The following TSEN2 variants were observed in gnomAD, a reference collection of about 807,000 sequenced individuals.
The protein encoded by TSEN2 is tRNA splicing endonuclease subunit 2.
TSEN2 carries 54 observed loss-of-function variants against 59.2 expected under a neutral mutation model. That is an observed-to-expected ratio of 0.91 (90% confidence interval 0.73 to 1.14). The LOEUF (loss-of-function observed/expected upper bound fraction) is 1.14, where lower values mean the gene tolerates loss of function less well. Among genes scored for constraint, TSEN2 ranks in the 50% most tolerant of loss-of-function variants. TSEN2 has a pLI of 0.00. For synonymous variants in TSEN2, 195 were observed against 198.2 expected (o/e 0.98, Z 0.14); for missense variants, 636 against 576.2 (o/e 1.10, Z -1.06).
chr3:12,486,019 T>TA (rs1345534423), intron 1 of TSEN2, among the ~76,000 whole-genome samples: 4 of 152,202 alleles, frequency 2.6e-5, no homozygotes, highest in Non-Finnish European at 4.4e-5. Flanking sequence ...AGAGAAGACT[T>TA]AAAGTAGATG....
At chr3:12,497,307 C>T (rs559032505) in intron 4 of TSEN2, among the ~76,000 whole-genome samples, 1 of 152,178 alleles carries the variant, frequency 6.6e-6, no homozygotes, top group Admixed American at 6.5e-5. Flanking sequence ...TACAGCTCTT[C>T]CATGAAACCT....
At chr3:12,530,528 C>G in intron 10 of TSEN2, 1 of 985,480 alleles carries the variant, frequency 1.0e-6, no homozygotes, top group Non-Finnish European at 1.2e-6. Flanking sequence ...TGTGTGTTCT[C>G]ATTACTCAGT....
intron 9 of TSEN2, 104 bp from the exon 10 acceptor site, chr3:12,529,658 T>G: frequency 9.8e-7 from 1 of 1,018,676 alleles, no homozygotes; most frequent in East Asian, 2.6e-5. Flanking sequence ...AATCAGATGA[T>G]GCAAATTTCA....
At chr3:12,525,387 A>C (rs1314526764) in intron 8 of TSEN2, among the ~76,000 whole-genome samples, 1 of 152,204 alleles carries the variant, frequency 6.6e-6, no homozygotes, top group East Asian at 1.9e-4. Context: ...TGATACCATA[A>C]GTAGATACCA....
At chr3:12,498,028 T>A (rs1453895174) in intron 4 of TSEN2, among the ~76,000 whole-genome samples, 1 of 152,068 alleles carries the variant, frequency 6.6e-6, no homozygotes, top group African/African-American at 2.4e-5. Context: ...CATGTGGCAT[T>A]CTCCCTTGTG....
chr3:12,507,221 T>G (rs966596347), intron 6 of TSEN2, among the ~76,000 whole-genome samples: 1 of 151,950 alleles, frequency 6.6e-6, no homozygotes, highest in Non-Finnish European at 1.5e-5. Context: ...AATAAACAAT[T>G]CAAAATTCCT....
At chr3:12,537,441 AAGG>A (rs1174272644), downstream of TSEN2, among the ~76,000 whole-genome samples, 3 of 152,270 alleles carry the variant, frequency 2.0e-5, no homozygotes, top group African/African-American at 7.2e-5. Flanking sequence ...TGCAGCCCCT[AAGG>A]GAAATTAGCA....
In TSEN2 at chr3:12,489,714, G is replaced by A. The variant is rs150142792; in HGVS notation, c.-17-70G>A. Reference sequence around the variant, plus strand: ...AAGTTTTCTGAGCCTAGGTACAGATGTACTCACATTTTGGATCAAGGTAGT... The same window carrying A: ...AAGTTTTCTGAGCCTAGGTACAGATATACTCACATTTTGGATCAAGGTAGT... On this transcript the variant is annotated intron_variant, in intron 1 of 11. Coordinates refer to ENST00000284995, the MANE Select transcript of TSEN2 (RefSeq NM_025265.4). The A allele has an allele frequency of 2.2e-4, 290 of 1,314,448 alleles. 3 individuals are homozygous for A. In the East Asian group the frequency reaches 3.9e-3, roughly 18 times the overall value. 81.4% of individuals were successfully genotyped at this position (1,314,448 alleles called of 1,614,324 possible). A position where few individuals can be genotyped will look rare whatever the true frequency, so the allele number is the denominator to read the frequency against.
Position 12,529,859 on chromosome 3 carries a change from G to C in TSEN2, c.1234G>C (p.Val412Leu). 1.2e-6 allele frequency: 2 copies of C among 1,613,858 alleles called. No homozygotes were observed. The highest frequency in any genetic ancestry group is 1.7e-6 in the Non-Finnish European group (2 of 1,179,986). Residue 412 changes from valine to leucine, a missense_variant, in exon 10 of 12, where the codon GTT becomes CTT. Val to Leu is a conservative substitution (Grantham distance 32). Coordinates refer to ENST00000284995, the MANE Select transcript of TSEN2 (RefSeq NM_025265.4). ...KSLAALSRVS[V>L]NVSKELMLCY... The stretch of plus-strand genomic sequence containing the variant: ...CCTGGCTGCCTTGAGCAGAGTTTCC[G>C]TTAATGTCTCTAAGGTAACACAACA...
chr3:12,532,411 T>G (rs1479764867), intron 11 of TSEN2, among the ~76,000 whole-genome samples: 2 of 152,236 alleles, frequency 1.3e-5, no homozygotes, highest in Non-Finnish European at 2.9e-5. Context: ...TTCTGAAATG[T>G]GCTAGTAGAA....
chr3:12,504,573 AT>A (rs1285008383), intron 5 of TSEN2, among the ~76,000 whole-genome samples: 2 of 152,196 alleles, frequency 1.3e-5, no homozygotes, highest in Non-Finnish European at 2.9e-5. Flanking sequence ...GCACATGCTT[AT>A]TAGGTACAAT....
chr3:12,504,507 T>C (rs2054609404), intron 5 of TSEN2, among the ~76,000 whole-genome samples: 1 of 152,020 alleles, frequency 6.6e-6, no homozygotes, highest in African/African-American at 2.4e-5. Context: ...TTCTTGAGCC[T>C]GGGAGATCAA....
intron 4 of TSEN2, among the ~76,000 whole-genome samples, chr3:12,500,998 T>C (rs1234248631): frequency 6.6e-6 from 1 of 152,178 alleles, no homozygotes; most frequent in Non-Finnish European, 1.5e-5. Flanking sequence ...TTGGGTCCCT[T>C]CCCCAGAAAA....
chr3:12,505,783 C>CAAA (rs34334319), intron 6 of TSEN2, among the ~76,000 whole-genome samples: 16 of 84,504 alleles, frequency 1.9e-4, no homozygotes, highest in South Asian at 5.3e-4. Flanking sequence ...AACTCTGTCT[C>CAAA]AAAAAAAAAA....
At chr3:12,484,197 C>T (rs2052345028), upstream of TSEN2, among the ~76,000 whole-genome samples, 1 of 152,254 alleles carries the variant, frequency 6.6e-6, no homozygotes, top group African/African-American at 2.4e-5. Flanking sequence ...TCTCTCCCAC[C>T]TCCCACGTGA....
At chr3:12,486,431 C>G (rs909695178) in intron 1 of TSEN2, among the ~76,000 whole-genome samples, 2 of 152,198 alleles carry the variant, frequency 1.3e-5, no homozygotes, top group Non-Finnish European at 2.9e-5. Flanking sequence ...GAAGTGAGCT[C>G]TACCTTCCCT....
At chr3:12,486,452 TTCTA>T (rs1026796816) in intron 1 of TSEN2, among the ~76,000 whole-genome samples, 26 of 152,206 alleles carry the variant, frequency 1.7e-4, no homozygotes, top group African/African-American at 5.5e-4. Context: ...GAGGGTTTCT[TTCTA>T]TCTTTTCTAG....
chr3:12,530,053 TC>T, intron 10 of TSEN2, 180 bp downstream of exon 10: 1 of 1,437,088 alleles, frequency 7.0e-7, no homozygotes, highest in Non-Finnish European at 9.1e-7. Context: ...GAAGTTGTCC[TC>T]CCCTCATGTT....
chr3:12,510,414 T>C (rs1193174975), intron 6 of TSEN2, among the ~76,000 whole-genome samples: 1 of 152,220 alleles, frequency 6.6e-6, no homozygotes, highest in Non-Finnish European at 1.5e-5. Context: ...TTCTGTGTAT[T>C]GTTCGTATAT....
Sources: gnomAD v4.1 joint callset for allele counts (sites outside exome capture counted in the v4.1 genomes callset) on GRCh38, gnomAD v4.1.1 for gene constraint, MANE v1.5 for transcripts, NCBI Gene and HGNC (gene_info 2026-07-23, HGNC 2026-07-21) for gene names.